Variants in NIPAL1 observed in about 807,000 individuals in gnomAD.
NIPAL1 encodes the protein NIPA like domain containing 1, also known as magnesium transporter NIPA3.
Under a neutral mutation model 37.7 loss-of-function variants are expected in NIPAL1, and 35 were observed. The observed-to-expected ratio is 0.93, with a 90% CI of 0.71 to 1.23. The LOEUF (loss-of-function observed/expected upper bound fraction) is 1.23. Among genes scored for constraint, NIPAL1 ranks in the 50% most tolerant of loss-of-function variants. NIPAL1 has a pLI of 0.00. For missense variants in NIPAL1, 412 were observed against 473.9 expected (o/e 0.87, Z 1.21); for synonymous variants, 162 against 183.0 (o/e 0.89, Z 0.93).
At chr4:48,024,543 A>C (rs13125949) in intron 1 of NIPAL1, among the ~76,000 whole-genome samples, 51,111 of 152,098 alleles carry the variant, frequency 0.34, 8,825 homozygotes, top group South Asian at 0.48. Context: ...GGCCTCCCAA[A>C]ATGCTGGGAT....
chr4:48,017,355 G>C (rs1715448322), intron 1 of NIPAL1, among the ~76,000 whole-genome samples: 1 of 152,206 alleles, frequency 6.6e-6, no homozygotes. Flanking sequence ...CCCGGGGATC[G>C]AGCACCGCGA....
intron 1 of NIPAL1, among the ~76,000 whole-genome samples, chr4:48,021,675 A>T (rs1189567109): frequency 6.6e-6 from 1 of 152,206 alleles, no homozygotes; most frequent in Non-Finnish European, 1.5e-5. Flanking sequence ...AGCCTCATGC[A>T]TCATGTTTTG....
At chr4:48,025,896 AC>A (rs1222837654) in intron 2 of NIPAL1, among the ~76,000 whole-genome samples, 2 of 151,418 alleles carry the variant, frequency 1.3e-5, no homozygotes, top group African/African-American at 2.4e-5. Flanking sequence ...GTTCTGTCCC[AC>A]CCCCAGGTCT....
Position 48,016,991 on chromosome 4 carries a change from T to A in NIPAL1, c.46+106T>A, listed in dbSNP as rs972565443. Reference sequence around the variant, plus strand: ...GACTGGAAAGGGGGGCTGTACCGACTCTAAACGTAGTCGTTCACTCATTCA... The same window carrying A: ...GACTGGAAAGGGGGGCTGTACCGACACTAAACGTAGTCGTTCACTCATTCA... On this transcript the variant is annotated intron_variant, in intron 1 of 5. Coordinates refer to ENST00000295461, the MANE Select transcript of NIPAL1 (RefSeq NM_207330.3). The A allele has an allele frequency of 4.4e-6, 4 of 917,212 alleles. No individual in the cohort carries two copies. The African/African-American group carries it at 6.7e-5, about 15-fold the overall frequency. The allele number at this position is 917,212 out of a possible 1,614,324, so 56.8% of individuals were successfully genotyped here.
At chr4:48,031,768 C>T (rs111587230) in intron 3 of NIPAL1, among the ~76,000 whole-genome samples, 18 of 152,080 alleles carry the variant, frequency 1.2e-4, no homozygotes, top group African/African-American at 3.6e-4. Context: ...GACAGAGTCT[C>T]GCTCTTGTCG....
In NIPAL1 at chr4:48,032,975, T is replaced by A; in HGVS notation, c.371-18T>A. 1 of 1,589,382 alleles carries A rather than the reference T, an allele frequency of 6.3e-7. No homozygotes were observed. The highest frequency in any genetic ancestry group is 1.1e-5 in the South Asian group (1 of 90,138). On this transcript the variant is annotated intron_variant, in intron 3 of 5. Coordinates refer to ENST00000295461, the MANE Select transcript of NIPAL1 (RefSeq NM_207330.3). ...AGTAAGCCCATTTTTTATATCAATA[T>A]CTCTGCTTGCTTTCTAGTGGGAGCA...
At position 48,037,608 on chromosome 4, in the gene NIPAL1, C is replaced by A. The variant is rs1715982662; in HGVS notation, c.*1436C>A. On this transcript the variant is annotated 3_prime_UTR_variant, in exon 6 of 6. Transcript: ENST00000295461. ...GCTCTCTTGAAATTTTGCACTTTCACCCTTATTAAGGAAATTATAATTAGT... is the reference window on the plus strand; with the variant it reads ...GCTCTCTTGAAATTTTGCACTTTCAACCTTATTAAGGAAATTATAATTAGT... 1 of 155,726 alleles carries A rather than the reference C, an allele frequency of 6.4e-6. No individual in the cohort carries two copies. Among genetic ancestry groups the A allele is most frequent in the South Asian group, 1.9e-4 (1 of 5,194 alleles). 9.6% of individuals were successfully genotyped at this position (155,726 alleles called of 1,614,324 possible).
At position 48,020,426 on chromosome 4, in the gene NIPAL1, A is replaced by G. The variant is rs574041818; in HGVS notation, c.46+3541A>G. ...GATTTCATTCAGTCATTCCCATGCT[A>G]ATATGAATAGGCAGGTATATCACAT... On this transcript the variant is annotated intron_variant, in intron 1 of 5. Transcript: ENST00000295461. Among the ~76,000 whole-genome samples, 9 of 152,356 alleles carry G rather than the reference A, an allele frequency of 5.9e-5. No homozygotes were observed. In the East Asian group the frequency reaches 1.7e-3, roughly 29 times the overall value.
chr4:48,022,469 T>C (rs1322472891), intron 1 of NIPAL1, among the ~76,000 whole-genome samples: 1 of 152,168 alleles, frequency 6.6e-6, no homozygotes, highest in East Asian at 1.9e-4. Context: ...GACCCTCTGC[T>C]CCCACACCCC....
chr4:48,035,471 C>A, intron 5 of NIPAL1, 91 bp from the exon 6 acceptor site: 2 of 1,143,674 alleles, frequency 1.7e-6, no homozygotes, highest in Non-Finnish European at 2.5e-6. Context: ...TCTAAAATAC[C>A]TATGCTCTTA....
At chr4:48,030,734 G>A (rs943343303) in intron 3 of NIPAL1, among the ~76,000 whole-genome samples, 1 of 152,174 alleles carries the variant, frequency 6.6e-6, no homozygotes, top group Non-Finnish European at 1.5e-5. Flanking sequence ...CTAATGTGAT[G>A]TCCAAATAGA....
intron 1 of NIPAL1, among the ~76,000 whole-genome samples, chr4:48,019,758 G>A (rs970800825): frequency 6.6e-6 from 1 of 152,170 alleles, no homozygotes; most frequent in Admixed American, 6.5e-5. Context: ...AAGCCCTTGT[G>A]GAGTTTTGGA....
intron 1 of NIPAL1, 136 bp downstream of exon 1, chr4:48,017,021 TTCAG>T: frequency 4.1e-6 from 3 of 723,978 alleles, no homozygotes; most frequent in Admixed American, 5.8e-5. Context: ...CATTCATTCA[TTCAG>T]TCAGTCGGCC....
chr4:48,022,369 T>C (rs938605451), intron 1 of NIPAL1, among the ~76,000 whole-genome samples: 1 of 152,214 alleles, frequency 6.6e-6, no homozygotes, highest in Non-Finnish European at 1.5e-5. Flanking sequence ...ATTTTTATTA[T>C]TTTTCCTGCC....
intron 1 of NIPAL1, among the ~76,000 whole-genome samples, chr4:48,017,344 T>C (rs2109363141): frequency 6.6e-6 from 1 of 152,188 alleles, no homozygotes; most frequent in South Asian, 2.1e-4. Flanking sequence ...CTGCGCTGGC[T>C]CCCGGGGATC....
chr4:48,029,978 C>A, intron 2 of NIPAL1, 142 bp from the exon 3 acceptor site: 1 of 503,226 alleles, frequency 2.0e-6, no homozygotes, highest in African/African-American at 1.9e-5. Context: ...TGGAAATGAC[C>A]AAGTAAATAA....
intron 2 of NIPAL1, among the ~76,000 whole-genome samples, chr4:48,026,722 T>A (rs2352413): frequency 0.81 from 121,993 of 149,806 alleles, 50,147 homozygotes; most frequent in Non-Finnish European, 0.89. Context: ...AAAATAAAAT[T>A]TTTTTTTTTT....
At chr4:48,026,513 A>G (rs1350220875) in intron 2 of NIPAL1, among the ~76,000 whole-genome samples, 2 of 152,202 alleles carry the variant, frequency 1.3e-5, no homozygotes, top group Non-Finnish European at 2.9e-5. Flanking sequence ...ATAACAGATA[A>G]TTTAAAACTT....
chr4:48,024,403 C>T (rs368616247), intron 1 of NIPAL1, among the ~76,000 whole-genome samples: 26 of 152,174 alleles, frequency 1.7e-4, no homozygotes, highest in African/African-American at 4.6e-4. Context: ...CTCAGCCTCC[C>T]GAGTAGCTTG....
Sources: gnomAD v4.1 joint callset for allele counts (sites outside exome capture counted in the v4.1 genomes callset) on GRCh38, gnomAD v4.1.1 for gene constraint, MANE v1.5 for transcripts, NCBI Gene and HGNC (gene_info 2026-07-23, HGNC 2026-07-21) for gene names.